MALRD1: variants seen among roughly 807,000 people sequenced by gnomAD.
The protein encoded by MALRD1 is MAM and LDL receptor class A domain containing 1.
A neutral mutation model predicts 242.1 loss-of-function variants in MALRD1; 247 were observed. The observed-to-expected ratio is 1.02, with a 90% CI of 0.92 to 1.13. The LOEUF (loss-of-function observed/expected upper bound fraction) is 1.13. Ranked by LOEUF, MALRD1 falls within the 50% of genes most tolerant of loss-of-function variation. The pLI is 0.00. For missense variants in MALRD1, 2,989 were observed against 2,533.1 expected, an observed-to-expected ratio of 1.18 and a Z score of -3.86; for synonymous variants, 995 against 866.6, an observed-to-expected ratio of 1.15 and a Z score of -2.60.
In MALRD1 at chr10:19,050,674, T is replaced by C. The variant is rs144055469; in HGVS notation, c.199+1537T>C. On this transcript the variant is annotated intron_variant, in intron 1 of 39. Coordinates refer to ENST00000454679, the MANE Select transcript of MALRD1 (RefSeq NM_001142308.3). ...CCAAGGGCAAAGATTCATTTGTATT[T>C]GTCCAATTTCCCCAGAGACGCTAAC... 3.3e-3 allele frequency among the ~76,000 whole-genome samples: 509 copies of C among 152,292 alleles called. 4 individuals carry two copies. The highest frequency in any genetic ancestry group is 0.012 in the African/African-American group (493 of 41,576).
chr10:19,403,316 A>G (rs540595034), intron 28 of MALRD1, among the ~76,000 whole-genome samples: 2 of 152,326 alleles, frequency 1.3e-5, no homozygotes, highest in Admixed American at 6.5e-5. Flanking sequence ...TTATGAATTT[A>G]CTTTATGAAT....
intron 5 of MALRD1, among the ~76,000 whole-genome samples, chr10:19,123,080 A>G (rs1045533570): frequency 6.6e-5 from 10 of 152,180 alleles, no homozygotes; most frequent in Admixed American, 5.2e-4. Context: ...AGTTCCAGGG[A>G]AGATCCACCT....
chr10:19,573,601 A>C (rs1246350702), intron 33 of MALRD1, among the ~76,000 whole-genome samples: 2 of 152,022 alleles, frequency 1.3e-5, no homozygotes, highest in Admixed American at 1.3e-4. Context: ...AAAAAGAAAA[A>C]ATTTTCCTTA....
At chr10:19,298,640 A>G (rs191920548) in intron 21 of MALRD1, among the ~76,000 whole-genome samples, 2 of 152,106 alleles carry the variant, frequency 1.3e-5, no homozygotes, top group East Asian at 3.9e-4. Context: ...TGCCTTTTTA[A>G]AAAGCATCAG....
chr10:19,557,512 G>C (rs749043794), intron 32 of MALRD1, among the ~76,000 whole-genome samples: 3 of 151,862 alleles, frequency 2.0e-5, no homozygotes, highest in African/African-American at 4.8e-5. Flanking sequence ...GCTTGTTTGT[G>C]GGTGTAGTTG....
intron 31 of MALRD1, among the ~76,000 whole-genome samples, chr10:19,510,713 T>G (rs1050995068): frequency 6.6e-6 from 1 of 152,264 alleles, no homozygotes; most frequent in Non-Finnish European, 1.5e-5. Flanking sequence ...TTATGTCTAC[T>G]TCTTTCTACA....
chr10:19,412,482 T>C (rs1302226500), intron 28 of MALRD1, among the ~76,000 whole-genome samples: 1 of 152,186 alleles, frequency 6.6e-6, no homozygotes, highest in Non-Finnish European at 1.5e-5. Flanking sequence ...GTCTCTGATA[T>C]AACTAGAAAA....
At chr10:19,577,476 A>T (rs780151765) in intron 33 of MALRD1, among the ~76,000 whole-genome samples, 15 of 152,132 alleles carry the variant, frequency 9.9e-5, no homozygotes, top group Admixed American at 5.9e-4. Flanking sequence ...TCTGCCTGTT[A>T]TACTAGGAGC....
At chr10:19,340,789 T>C (rs1843813596) in intron 24 of MALRD1, among the ~76,000 whole-genome samples, 1 of 152,154 alleles carries the variant, frequency 6.6e-6, no homozygotes, top group Admixed American at 6.6e-5. Flanking sequence ...TTTTATGTCA[T>C]AGCAGTGCAA....
intron 1 of MALRD1, among the ~76,000 whole-genome samples, chr10:19,059,052 A>G (rs538333668): frequency 2.0e-5 from 3 of 152,188 alleles, no homozygotes; most frequent in Non-Finnish European, 4.4e-5. Context: ...TCTCCTTACA[A>G]TACCATTTCA....
At position 19,595,351 on chromosome 10, in the gene MALRD1, C is replaced by T; in HGVS notation, c.5838C>T (p.Leu1946=). 6.4e-7 allele frequency: 1 copy of T among 1,550,758 alleles called. No individual in the cohort carries two copies. The highest frequency in any genetic ancestry group is 8.7e-7 in the Non-Finnish European group (1 of 1,146,982). Residue 1946 remains leucine, a synonymous_variant, in exon 34 of 40, where the codon CTC becomes CTT. Transcript: ENST00000454679. The part of the protein sequence containing the change: ...MDCPLSPTPP[L]CSNMEFPCST... ...GTCCTCTCAGCCCCACCCCTCCACT[C>T]TGTAGTAACATGGAGTTCCCGTGCT...
In MALRD1 at chr10:19,324,008, C is replaced by A. The variant is rs545887640; in HGVS notation, c.3479C>A (p.Thr1160Lys). 1.0e-5 allele frequency: 16 copies of A among 1,550,658 alleles called. No individual in the cohort carries two copies. Among genetic ancestry groups the A allele is most frequent in the Non-Finnish European group, 3.5e-6 (4 of 1,146,908 alleles). Residue 1160 changes from threonine to lysine, a missense_variant, in exon 22 of 40, where the codon ACG becomes AAG. Coordinates refer to ENST00000454679, the MANE Select transcript of MALRD1 (RefSeq NM_001142308.3). Reference protein sequence around the residue: ...ADSSNGKFGDTADILTPIISL... With the variant: ...ADSSNGKFGDKADILTPIISL... ...AGTTCTAATGGGAAATTTGGTGACA[C>A]GGCTGACATTCTCACTCCTATCATT...
chr10:19,256,140 G>C (rs756384469), intron 18 of MALRD1, among the ~76,000 whole-genome samples: 1 of 152,002 alleles, frequency 6.6e-6, no homozygotes, highest in Non-Finnish European at 1.5e-5. Context: ...CATGAGGAGT[G>C]AGGCCAAGTC....
At position 19,351,888 on chromosome 10, in the gene MALRD1, T is replaced by A. The variant is rs1844391065; in HGVS notation, c.4150-118T>A. On this transcript the variant is annotated intron_variant, in intron 25 of 39. Transcript: ENST00000454679. Reference sequence around the variant, plus strand: ...CAGACAGAGCAAGAGAATAAACAGGTGTAATTTTCCTCCAGAAATCTGTTA... The same window carrying A: ...CAGACAGAGCAAGAGAATAAACAGGAGTAATTTTCCTCCAGAAATCTGTTA... The A allele has an allele frequency of 5.3e-6, 5 of 935,372 alleles. No individual in the cohort carries two copies. In the African/African-American group the frequency reaches 8.4e-5, roughly 16 times the overall value. 57.9% of individuals were successfully genotyped at this position (935,372 alleles called of 1,614,324 possible). A position where few individuals can be genotyped will look rare whatever the true frequency, so the allele number is the denominator to read the frequency against.
At chr10:19,685,823 G>C (rs1352215138) in intron 36 of MALRD1, among the ~76,000 whole-genome samples, 6 of 152,256 alleles carry the variant, frequency 3.9e-5, no homozygotes, top group Non-Finnish European at 5.9e-5. Flanking sequence ...ACCCTTTTGT[G>C]ACAGAATTCT....
intron 7 of MALRD1, among the ~76,000 whole-genome samples, chr10:19,126,877 CGT>C (rs966648884): frequency 2.0e-5 from 3 of 152,052 alleles, no homozygotes; most frequent in Non-Finnish European, 4.4e-5. Context: ...TTAAGACCAG[CGT>C]GCATTAGCTA....
chr10:19,512,160 C>T (rs7898170), intron 31 of MALRD1, among the ~76,000 whole-genome samples: 105,779 of 151,930 alleles, frequency 0.7, 37,467 homozygotes, highest in African/African-American at 0.83. Context: ...CCATTCTGTG[C>T]CCTAGATCAT....
At position 19,373,455 on chromosome 10, in the gene MALRD1, G is replaced by A. The variant is rs577252008; in HGVS notation, c.4442-14073G>A. ...AATCGCTTGAAACCAGAGGGCGGAG[G>A]TTGCAGTGAGCCGAGATCATGCCAC... is the stretch of plus-strand genomic sequence containing the variant. On this transcript the variant is annotated intron_variant, in intron 26 of 39. Transcript: ENST00000454679. 2.0e-5 allele frequency among the ~76,000 whole-genome samples: 3 copies of A among 151,984 alleles called. No individual in the cohort carries two copies. The East Asian group carries it at 5.8e-4, about 30-fold the overall frequency.
chr10:19,260,080 T>G (rs1438619075), intron 19 of MALRD1, among the ~76,000 whole-genome samples: 1 of 152,198 alleles, frequency 6.6e-6, no homozygotes, highest in Non-Finnish European at 1.5e-5. Context: ...TTTAGGTGTT[T>G]TATATACTCT....
Sources: allele counts gnomAD v4.1 joint callset (sites outside exome capture counted in the v4.1 genomes callset), GRCh38; gene constraint gnomAD v4.1.1; transcripts MANE v1.5; gene names NCBI Gene and HGNC (gene_info 2026-07-23, HGNC 2026-07-21).